The following HADHA variants were observed in gnomAD, a reference collection of about 807,000 sequenced individuals.
The protein encoded by HADHA is hydroxyacyl-CoA dehydrogenase trifunctional multienzyme complex subunit alpha, also known as trifunctional enzyme subunit alpha, mitochondrial.
A neutral mutation model predicts 91.3 loss-of-function variants in HADHA; 59 were observed. The observed-to-expected ratio is 0.65, with a 90% CI of 0.52 to 0.80. HADHA has a LOEUF of 0.80. HADHA is among the 30% of genes least tolerant of loss of function. The probability of loss-of-function intolerance (pLI) is 0.00; values close to 1 mark genes in which losing one functional copy is unlikely to be tolerated. For synonymous variants in HADHA, 320 were observed against 338.9 expected, an observed-to-expected ratio of 0.94 and a Z score of 0.61; for missense variants, 800 against 927.6, an observed-to-expected ratio of 0.86 and a Z score of 1.79.
At chr2:26,227,804 T>C (rs1036423160) in intron 7 of HADHA, among the ~76,000 whole-genome samples, 3 of 151,488 alleles carry the variant, frequency 2.0e-5, no homozygotes, top group African/African-American at 4.8e-5. Flanking sequence ...ACTCAAAGTC[T>C]CATCTCTAAA....
chr2:26,230,393 A>G, intron 6 of HADHA, 99 bp from the exon 7 acceptor site: 1 of 797,054 alleles, frequency 1.3e-6, no homozygotes, highest in East Asian at 2.5e-5. Context: ...AAAATGAGAA[A>G]AGTCAAGCCA....
At chr2:26,223,816 G>A (rs1478432477) in intron 7 of HADHA, among the ~76,000 whole-genome samples, 7 of 151,988 alleles carry the variant, frequency 4.6e-5, no homozygotes, top group Non-Finnish European at 7.4e-5. Flanking sequence ...GTACAATCTC[G>A]GCTCACTGCA....
Position 26,202,133 on chromosome 2 carries a change from C to T in HADHA, c.1221-813G>A, listed in dbSNP as rs1404501174. Among the ~76,000 whole-genome samples, 5 of 152,262 alleles carry T rather than the reference C, an allele frequency of 3.3e-5. No homozygotes were observed. The East Asian group carries it at 7.7e-4, about 24-fold the overall frequency. ...AATCTTCTAAAGAACAGAGACCAAG[C>T]ATTATTTCCTATATTCTCCATCTAC... is the stretch of plus-strand genomic sequence containing the variant. On this transcript the variant is annotated intron_variant, in intron 12 of 19. Coordinates refer to ENST00000380649, the MANE Select transcript of HADHA (RefSeq NM_000182.5).
intron 16 of HADHA, 57 bp from the exon 17 acceptor site, chr2:26,193,829 G>T: frequency 7.2e-7 from 1 of 1,386,362 alleles, no homozygotes; most frequent in South Asian, 1.2e-5. Context: ...TCCCCCCAAA[G>T]GGCTCCCTGT....
intron 5 of HADHA, among the ~76,000 whole-genome samples, chr2:26,232,861 A>G (rs1670656297): frequency 6.6e-6 from 1 of 152,058 alleles, no homozygotes; most frequent in South Asian, 2.1e-4. Context: ...AGAGCCTGCT[A>G]CACATCTAGG....
intron 13 of HADHA, among the ~76,000 whole-genome samples, chr2:26,200,311 C>G (rs1158714099): frequency 6.6e-6 from 1 of 152,094 alleles, no homozygotes; most frequent in Non-Finnish European, 1.5e-5. Flanking sequence ...CTAGCTTAGG[C>G]CTTGGTCCTA....
intron 17 of HADHA, among the ~76,000 whole-genome samples, chr2:26,192,646 C>T (rs748433293): frequency 7.9e-5 from 12 of 151,846 alleles, no homozygotes; most frequent in Non-Finnish European, 1.5e-4. Flanking sequence ...ATTAGCTGGG[C>T]GAAGCAGGAG....
In HADHA at chr2:26,214,329, G is replaced by C. The variant is rs1219520392; in HGVS notation, c.918+114C>G. ...CTTATTTTTGGTAAATACTTTAATA[G>C]CAGAATTAAGAAATTTAGTACTCAA... On this transcript the variant is annotated intron_variant, in intron 9 of 19. Transcript: ENST00000380649. The surrounding 1 kb of genome is among the most constrained non-coding windows in gnomAD (Gnocchi z 4.1). 1.3e-6 allele frequency: 1 copy of C among 769,774 alleles called. No individual in the cohort carries two copies. The highest frequency in any genetic ancestry group is 2.4e-6 in the Non-Finnish European group (1 of 417,186). The allele number at this position is 769,774 out of a possible 1,614,324, so 47.7% of individuals were successfully genotyped here.
Position 26,204,095 on chromosome 2 carries a change from G to A in HADHA, c.1187C>T (p.Ala396Val), listed in dbSNP as rs748661804. ...KTILKDATLT[A>V]LDRGQQQVFK... is the part of the protein sequence containing the mutation. ...CACTTGTTGCTGTCCTCGGTCTAGC[G>A]CAGTGAGGGTGGCATCTTTAAGTAT... Residue 396 changes from alanine (A) to valine (V), a missense_variant, in exon 12 of 20, where the codon GCG becomes GTG. Transcript: ENST00000380649. 9.9e-6 allele frequency: 16 copies of A among 1,613,562 alleles called. No individual in the cohort carries two copies. The East Asian group carries it at 1.8e-4, about 18-fold the overall frequency.
chr2:26,193,490 C>CA, intron 17 of HADHA, 87 bp downstream of exon 17: 1 of 1,125,962 alleles, frequency 8.9e-7, no homozygotes, highest in Non-Finnish European at 1.4e-6. Flanking sequence ...CTTTCTTCCA[C>CA]GAGGGCTTCT....
intron 7 of HADHA, among the ~76,000 whole-genome samples, chr2:26,217,521 T>C (rs1033774946): frequency 2.6e-5 from 4 of 152,074 alleles, no homozygotes; most frequent in African/African-American, 9.7e-5. Context: ...AGGCACATCA[T>C]AATCAAATTG....
At chr2:26,234,445 C>T in intron 4 of HADHA, 90 bp from the exon 5 acceptor site, 1 of 1,095,492 alleles carries the variant, frequency 9.1e-7, no homozygotes, top group African/African-American at 1.5e-5. Context: ...CTTATCCTAT[C>T]ATGCATCAAT....
chr2:26,211,557 T>G (rs1670101853), intron 10 of HADHA, among the ~76,000 whole-genome samples: 1 of 152,208 alleles, frequency 6.6e-6, no homozygotes, highest in Non-Finnish European at 1.5e-5. Flanking sequence ...TGAAATTAAT[T>G]TCATGTTTAG....
chr2:26,195,224 G>T lies in HADHA; in HGVS notation c.1488C>A (p.Gly496=), dbSNP rs138750492. 9.3e-6 allele frequency: 15 copies of T among 1,612,758 alleles called. No individual in the cohort carries two copies. The highest frequency in any genetic ancestry group is 1.3e-5 in the Non-Finnish European group (15 of 1,178,960). ...TGTCCACGGGAGAGAAGTAGTGCAT[G>T]CCAATCACCTGGCAAGGGGAACCAA... ...AVSKRPEKVI[G]MHYFSPVDKM... is the part of the protein sequence containing the mutation. The change falls in exon 15 of 20, where the codon GGC becomes GGA. Residue 496 remains glycine (G), a synonymous_variant. Coordinates refer to ENST00000380649, the MANE Select transcript of HADHA (RefSeq NM_000182.5).
intron 13 of HADHA, among the ~76,000 whole-genome samples, chr2:26,199,638 A>G (rs2147758104): frequency 6.6e-6 from 1 of 152,222 alleles, no homozygotes; most frequent in South Asian, 2.1e-4. Context: ...TTTTATCAAC[A>G]CAATGCAGCA....
At chr2:26,236,380 CTGTGTGTGTGTGTGTG>C (rs201544302) in intron 4 of HADHA, among the ~76,000 whole-genome samples, 13 of 111,104 alleles carry the variant, frequency 1.2e-4, no homozygotes, top group Admixed American at 8.2e-4. Flanking sequence ...TATATATACT[CTGTGTGTGTGTGTGTG>C]TGTGTGTGTG....
chr2:26,232,807 G>T (rs1158191735), intron 5 of HADHA, among the ~76,000 whole-genome samples: 1 of 152,198 alleles, frequency 6.6e-6, no homozygotes, highest in Non-Finnish European at 1.5e-5. Context: ...AAATTTTGTT[G>T]TTGTGTGAAC....
chr2:26,215,227 A>G (rs1268321563), intron 7 of HADHA, 52 bp from the exon 8 acceptor site: 2 of 1,587,704 alleles, frequency 1.3e-6, no homozygotes, highest in East Asian at 2.2e-5. Context: ...GACCAGTCCC[A>G]GGTAGTGAAA....
In HADHA at chr2:26,232,128, A is replaced by G. The variant is rs7593175; in HGVS notation, c.573+32T>C. On this transcript the variant is annotated intron_variant, in intron 6 of 19. Transcript: ENST00000380649. ...ACAAGAAAACAGATCTAAAGAGGGC[A>G]TATAGCTTCACAAAGGGGATGTTAG... The G allele has an allele frequency of 0.67, 1,028,127 of 1,536,736 alleles. 359,916 individuals carry two copies. The highest frequency in any genetic ancestry group is 0.73 in the Non-Finnish European group (807,101 of 1,109,434).
Sources: gnomAD v4.1 joint callset for allele counts (sites outside exome capture counted in the v4.1 genomes callset) on GRCh38, gnomAD v4.1.1 for gene constraint, Gnocchi (gnomAD v3.1) non-coding constraint, MANE v1.5 for transcripts, NCBI Gene and HGNC (gene_info 2026-07-23, HGNC 2026-07-21) for gene names.